The following NCALD variants were observed in gnomAD, a reference collection of about 807,000 sequenced individuals.
NCALD encodes neurocalcin delta.
In NCALD, 10 loss-of-function variants were observed where a neutral mutation model predicts 18.6. The ratio of observed to expected loss-of-function variants is 0.54; its 90% CI spans 0.33 to 0.91. The LOEUF is 0.91. NCALD is among the 40% of genes least tolerant of loss of function. The probability of loss-of-function intolerance (pLI) is 0.03; values close to 1 mark genes in which losing one functional copy is unlikely to be tolerated. For synonymous variants in NCALD, 88 were observed against 87.4 expected (o/e 1.01, Z -0.04); for missense variants, 184 against 247.6 (o/e 0.74, Z 1.72).
intron 2 of NCALD, among the ~76,000 whole-genome samples, chr8:102,017,593 G>C (rs1159881107): frequency 6.6e-6 from 1 of 152,176 alleles, no homozygotes; most frequent in Non-Finnish European, 1.5e-5. Flanking sequence ...TACTCGGGAG[G>C]CTGACGCAGG....
chr8:101,738,861 G>A (rs1810054668), intron 1 of NCALD, among the ~76,000 whole-genome samples: 1 of 152,138 alleles, frequency 6.6e-6, no homozygotes, highest in Admixed American at 6.5e-5. Context: ...GCACTCAACA[G>A]TATCTTAATC....
intron 1 of NCALD, among the ~76,000 whole-genome samples, chr8:101,728,275 C>A (rs1380326946): frequency 6.6e-6 from 1 of 151,760 alleles, no homozygotes; most frequent in African/African-American, 2.4e-5. Context: ...TGCAGCCTTG[C>A]ATTTCTGCGA....
chr8:101,777,830 G>T (rs1237420290), intron 1 of NCALD, among the ~76,000 whole-genome samples: 2 of 152,172 alleles, frequency 1.3e-5, no homozygotes, highest in African/African-American at 4.8e-5. Context: ...ACCATCAGCA[G>T]ACAGAAATTT....
At chr8:102,065,480 A>T (rs1044119975) in intron 1 of NCALD, among the ~76,000 whole-genome samples, 1 of 152,204 alleles carries the variant, frequency 6.6e-6, no homozygotes, top group Non-Finnish European at 1.5e-5. Context: ...ATGCTTACAA[A>T]TGAAACAGAG....
chr8:101,895,293 G>A (rs1817115875), intron 3 of NCALD, among the ~76,000 whole-genome samples: 1 of 125,020 alleles, frequency 8.0e-6, no homozygotes, highest in Non-Finnish European at 1.5e-5. Flanking sequence ...TGGAGAAAAA[G>A]CCTTTGACAA....
intron 4 of NCALD, among the ~76,000 whole-genome samples, chr8:101,839,584 A>G (rs1427324763): frequency 1.3e-5 from 2 of 152,208 alleles, no homozygotes; most frequent in East Asian, 1.9e-4. Flanking sequence ...AAAATGAAAC[A>G]AAGTATGTTT....
chr8:101,949,538 C>T lies in NCALD; in HGVS notation c.-156-33680G>A, dbSNP rs1035486642. Among the ~76,000 whole-genome samples, 5 of 152,008 alleles carry T rather than the reference C, an allele frequency of 3.3e-5. No homozygotes were observed. In the East Asian group the frequency reaches 7.7e-4, roughly 23 times the overall value. ...CATCAGGAAATAAATGTTAATAACT[C>T]GGCCTCCCCGTCTGTCATATGGTAA... is the stretch of plus-strand genomic sequence containing the variant. On this transcript the variant is annotated intron_variant, in intron 2 of 6. Coordinates refer to the NCALD transcript ENST00000311028.
intron 1 of NCALD, among the ~76,000 whole-genome samples, chr8:101,731,529 C>A (rs1268331569): frequency 6.6e-6 from 1 of 152,124 alleles, no homozygotes; most frequent in South Asian, 2.1e-4. Context: ...CTCCCCGCCC[C>A]CCATGGTCTG....
At chr8:101,732,124 A>G (rs1816859921) in intron 1 of NCALD, among the ~76,000 whole-genome samples, 1 of 152,246 alleles carries the variant, frequency 6.6e-6, no homozygotes, top group Non-Finnish European at 1.5e-5. Context: ...GCCATAGGTT[A>G]AAACCTTACT....
chr8:101,691,403 G>A (rs565738218), intron 3 of NCALD: 2 of 985,304 alleles, frequency 2.0e-6, no homozygotes, highest in Admixed American at 6.1e-5. Context: ...GAGTCCCAGT[G>A]GAAAGACCCT....
intron 1 of NCALD, among the ~76,000 whole-genome samples, chr8:101,752,304 G>T (rs1326487196): frequency 1.3e-5 from 2 of 152,138 alleles, no homozygotes; most frequent in Admixed American, 1.3e-4. Context: ...TTATAGTCAT[G>T]GAGACAGCAC....
chr8:101,895,942 A>G (rs1382115786), intron 3 of NCALD, among the ~76,000 whole-genome samples: 3 of 150,922 alleles, frequency 2.0e-5, no homozygotes, highest in Non-Finnish European at 4.4e-5. Context: ...ATACTGCCCA[A>G]GGTAATTTAT....
intron 2 of NCALD, among the ~76,000 whole-genome samples, chr8:101,920,068 ACAACATGG>A (rs1818110740): frequency 6.6e-6 from 1 of 152,066 alleles, no homozygotes; most frequent in Non-Finnish European, 1.5e-5. Flanking sequence ...ACCAGCCTGA[ACAACATGG>A]CAAAACTCCA....
intron 3 of NCALD, among the ~76,000 whole-genome samples, chr8:101,909,110 G>A (rs1471968169): frequency 1.3e-5 from 2 of 152,064 alleles, no homozygotes; most frequent in Non-Finnish European, 2.9e-5. Context: ...TTTGTTCCCT[G>A]TTTCTGCTTT....
At chr8:101,861,032 A>G (rs118176193) in intron 4 of NCALD, among the ~76,000 whole-genome samples, 2,604 of 151,948 alleles carry the variant, frequency 0.017, 27 homozygotes, top group Non-Finnish European at 0.022. Flanking sequence ...AAAACTCATC[A>G]CTCCTCTAGA....
intron 4 of NCALD, chr8:101,871,839 C>A: frequency 1.9e-6 from 1 of 516,474 alleles, no homozygotes; most frequent in South Asian, 2.6e-5. Context: ...CTCAGTCACC[C>A]TTGGAATCGC....
chr8:101,729,153 C>A (rs1450446484), intron 1 of NCALD, among the ~76,000 whole-genome samples: 1 of 152,130 alleles, frequency 6.6e-6, no homozygotes, highest in Non-Finnish European at 1.5e-5. Context: ...TAAATAAAAA[C>A]CCGAAGAGCA....
At chr8:102,030,826 C>T (rs1002517300) in intron 1 of NCALD, among the ~76,000 whole-genome samples, 2 of 151,780 alleles carry the variant, frequency 1.3e-5, no homozygotes, top group African/African-American at 4.8e-5. Context: ...TAGTGAGCCA[C>T]GATCACACCA....
chr8:101,778,925 TTA>T (rs1171769421), intron 1 of NCALD, among the ~76,000 whole-genome samples: 1 of 152,138 alleles, frequency 6.6e-6, no homozygotes, highest in Non-Finnish European at 1.5e-5. Context: ...GTAAAATTTA[TTA>T]CCTCCAAGTA....
Sources: gnomAD v4.1 joint callset for allele counts (sites outside exome capture counted in the v4.1 genomes callset) on GRCh38, gnomAD v4.1.1 for gene constraint, MANE v1.5 for transcripts, NCBI Gene and HGNC (gene_info 2026-07-23, HGNC 2026-07-21) for gene names.